Variants in NLGN4X observed in about 807,000 individuals in gnomAD.
NLGN4X encodes neuroligin 4 X-linked, also known as neuroligin-4, X-linked.
Under a neutral mutation model 40.3 loss-of-function variants are expected in NLGN4X, and 3 were observed. The observed-to-expected ratio is 0.07, with a 90% CI of 0.03 to 0.19. The LOEUF (loss-of-function observed/expected upper bound fraction) is 0.19. Among genes scored for constraint, NLGN4X ranks in the 10% least tolerant of loss-of-function variants. The pLI, the probability that NLGN4X is intolerant of heterozygous loss-of-function variation, is 1.00. For missense variants in NLGN4X, 382 were observed against 708.3 expected (o/e 0.54, Z 5.23); for synonymous variants, 270 against 306.8 (o/e 0.88, Z 1.25).
At chrX:5,897,252 C>A (rs1019170320) in intron 5 of NLGN4X, among the ~76,000 whole-genome samples, 21 of 111,483 alleles carry the variant, frequency 1.9e-4, no homozygotes, top group African/African-American at 6.9e-4. Flanking sequence ...ATAAATAAAC[C>A]AAGATTCCCC....
intron 3 of NLGN4X, among the ~76,000 whole-genome samples, chrX:5,976,418 AT>A (rs1190772799): frequency 7.1e-5 from 8 of 112,118 alleles, no homozygotes; most frequent in Non-Finnish European, 1.3e-4. Flanking sequence ...CATGCTTCTC[AT>A]TCTGTGAAAA....
chrX:6,169,756 T>C (rs2040566487), intron 1 of NLGN4X, among the ~76,000 whole-genome samples: 1 of 112,183 alleles, frequency 8.9e-6, no homozygotes, highest in East Asian at 2.8e-4. Context: ...CCATGCACAA[T>C]TGGCTTCCCG....
At chrX:6,070,730 T>TG (rs960109941) in intron 2 of NLGN4X, among the ~76,000 whole-genome samples, 39 of 111,893 alleles carry the variant, frequency 3.5e-4, no homozygotes, top group African/African-American at 1.2e-3. Flanking sequence ...CCGCATGGCA[T>TG]GGGGGGCCTC....
chrX:6,007,767 G>A (rs1451309014), intron 3 of NLGN4X, among the ~76,000 whole-genome samples: 3 of 111,645 alleles, frequency 2.7e-5, no homozygotes, highest in African/African-American at 6.5e-5. Flanking sequence ...CAGTTTCAAA[G>A]ACATTTCCTA....
At chrX:6,214,489 C>T (rs753572539) in intron 1 of NLGN4X, among the ~76,000 whole-genome samples, 1 of 111,710 alleles carries the variant, frequency 9.0e-6, no homozygotes, top group South Asian at 3.8e-4. Context: ...CTCTTTGCCT[C>T]TAGGCCCTTT....
At chrX:6,197,198 C>G (rs1394681135) in intron 1 of NLGN4X, among the ~76,000 whole-genome samples, 1 of 111,226 alleles carries the variant, frequency 9.0e-6, no homozygotes, top group Non-Finnish European at 1.9e-5. Flanking sequence ...GACAAGATAA[C>G]CTATTACAGA....
chrX:6,151,005 G>C lies in NLGN4X; in HGVS notation c.462C>G (p.Pro154=), dbSNP rs778491939. 4.1e-6 allele frequency: 5 copies of C among 1,205,019 alleles called. No homozygotes were observed. The Admixed American group carries it at 6.5e-5, about 16-fold the overall frequency. The change falls in exon 2 of 6, where the codon CCC becomes CCG. Residue 154 remains proline, a synonymous_variant. Transcript: ENST00000381095. ...CAGTGAGGTACTCACCATCTTCCGTGGGCACGTAGATGTTTAAGTAAAGGC... is the reference window on the plus strand; with the variant it reads ...CAGTGAGGTACTCACCATCTTCCGTCGGCACGTAGATGTTTAAGTAAAGGC... ...EDCLYLNIYV[P]TEDDIHDQNS... is the part of the protein sequence containing the mutation.
chrX:6,030,589 C>G (rs2036832204), intron 2 of NLGN4X, among the ~76,000 whole-genome samples: 1 of 110,076 alleles, frequency 9.1e-6, no homozygotes, highest in Non-Finnish European at 1.9e-5. Context: ...TGGATGGTGG[C>G]TCCAATTTGA....
chrX:6,172,631 T>C (rs1393969936), intron 1 of NLGN4X, among the ~76,000 whole-genome samples: 1 of 112,167 alleles, frequency 8.9e-6, no homozygotes, highest in African/African-American at 3.2e-5. Flanking sequence ...GTTGGTGTTG[T>C]CTGTGCTACC....
chrX:6,214,936 C>T (rs764377074), intron 1 of NLGN4X, among the ~76,000 whole-genome samples: 98 of 111,301 alleles, frequency 8.8e-4, no homozygotes, highest in African/African-American at 3.1e-3. Context: ...GGAATGGGAG[C>T]GGGGTTAGAA....
intron 3 of NLGN4X, among the ~76,000 whole-genome samples, chrX:5,972,149 G>A (rs867896540): frequency 9.7e-6 from 1 of 103,391 alleles, no homozygotes; most frequent in Non-Finnish European, 1.9e-5. Flanking sequence ...ACACACATAT[G>A]TATATGTGTG....
chrX:6,188,167 G>GAT (rs750832927), intron 1 of NLGN4X, among the ~76,000 whole-genome samples: 1 of 111,981 alleles, frequency 8.9e-6, no homozygotes, highest in East Asian at 2.8e-4. Context: ...AAAAGGATTA[G>GAT]ATATTGAAGT....
intron 3 of NLGN4X, among the ~76,000 whole-genome samples, chrX:5,969,581 G>A (rs1345543650): frequency 9.0e-6 from 1 of 111,380 alleles, no homozygotes; most frequent in Non-Finnish European, 1.9e-5. Context: ...TGGCGGGACT[G>A]TAAACTAGTT....
rs181757632 is a variant in NLGN4X at position 6,129,880 on chromosome X, T to C, written c.472+21115A>G. ...CTGTGGGGGAAAGAAAGATACCAAATCTTTTTTTTTTTTTTTTCTTTGAGA... is the reference window on the plus strand; with the variant it reads ...CTGTGGGGGAAAGAAAGATACCAAACCTTTTTTTTTTTTTTTTCTTTGAGA... On this transcript the variant is annotated intron_variant, in intron 2 of 5. Transcript: ENST00000381095. 1.6e-3 allele frequency among the ~76,000 whole-genome samples: 170 copies of C among 106,532 alleles called. 1 individual carries two copies. Among genetic ancestry groups the C allele is most frequent in the Admixed American group, 5.2e-3 (52 of 10,023 alleles). The allele number at this position is 106,532 out of a possible 115,157, so 92.5% of individuals were successfully genotyped here.
At chrX:6,034,269 C>T (rs187366767) in intron 2 of NLGN4X, among the ~76,000 whole-genome samples, 65 of 112,047 alleles carry the variant, frequency 5.8e-4, no homozygotes, top group African/African-American at 1.7e-3. Context: ...GTTTCTTTTA[C>T]TTAGCATATG....
intron 1 of NLGN4X, among the ~76,000 whole-genome samples, chrX:6,205,988 G>A (rs763134586): frequency 1.2e-4 from 13 of 111,717 alleles, no homozygotes; most frequent in Non-Finnish European, 2.1e-4. Context: ...CAAGTCAAGC[G>A]TCTTAATTAC....
At chrX:5,965,007 A>T (rs1290422248) in intron 3 of NLGN4X, among the ~76,000 whole-genome samples, 1 of 112,237 alleles carries the variant, frequency 8.9e-6, no homozygotes, top group Non-Finnish European at 1.9e-5. Flanking sequence ...TATACATAGA[A>T]CACGGAACAG....
intron 2 of NLGN4X, chrX:6,032,589 T>C (rs2036895797): frequency 2.1e-6 from 1 of 483,114 alleles, no homozygotes; most frequent in Non-Finnish European, 3.1e-6. Context: ...GTACTAGTTT[T>C]AAATAAGGGG....
intron 3 of NLGN4X, among the ~76,000 whole-genome samples, chrX:5,937,115 G>T (rs1386191201): frequency 9.1e-6 from 1 of 109,393 alleles, no homozygotes; most frequent in Non-Finnish European, 1.9e-5. Flanking sequence ...TCACTCTGTT[G>T]CCCAGGCTGG....
Sources: gnomAD v4.1 joint callset for allele counts (sites outside exome capture counted in the v4.1 genomes callset) on GRCh38, gnomAD v4.1.1 for gene constraint, MANE v1.5 for transcripts, NCBI Gene and HGNC (gene_info 2026-07-23, HGNC 2026-07-21) for gene names.